Variants in GLT8D2 observed in about 807,000 individuals in gnomAD.
GLT8D2 encodes glycosyltransferase 8 domain containing 2.
A neutral mutation model predicts 44.5 loss-of-function variants in GLT8D2; 45 were observed. That is an observed-to-expected ratio of 1.01 (90% confidence interval 0.80 to 1.30). GLT8D2 has a LOEUF of 1.30. Among genes scored for constraint, GLT8D2 ranks in the 50% most tolerant of loss-of-function variants. GLT8D2 has a pLI of 0.00. For synonymous variants in GLT8D2, 156 were observed against 157.2 expected (o/e 0.99, Z 0.06); for missense variants, 400 against 430.4 (o/e 0.93, Z 0.62).
rs1882424921 is a variant in GLT8D2, at chr12:104,059,242, T to G, written c.-423+4707A>C. On this transcript the variant is annotated intron_variant, in intron 1 of 10. Coordinates refer to the GLT8D2 transcript ENST00000548660. The stretch of plus-strand genomic sequence containing the variant: ...TATCTATTCAACCCTGGTATACATG[T>G]AGGTATACATGGACTTCAGGATCCA... Among the ~76,000 whole-genome samples the G allele has an allele frequency of 3.3e-5, 5 of 152,284 alleles. No individual in the cohort carries two copies. In the South Asian group the frequency reaches 1.0e-3, roughly 32 times the overall value.
chr12:104,045,937 A>AAG (rs68019401), intron 1 of GLT8D2, among the ~76,000 whole-genome samples: 147 of 113,600 alleles, frequency 1.3e-3, no homozygotes, highest in Middle Eastern at 4.2e-3. Flanking sequence ...GAAAGAAAGA[A>AAG]AAAGAAAGAA....
intron 4 of GLT8D2, among the ~76,000 whole-genome samples, chr12:104,005,682 G>C (rs978880720): frequency 6.6e-6 from 1 of 152,160 alleles, no homozygotes; most frequent in Non-Finnish European, 1.5e-5. Flanking sequence ...ACCACAATGA[G>C]ATACCATCTC....
At position 104,000,902 on chromosome 12, in the gene GLT8D2, C is replaced by T. The variant is rs1382141818; in HGVS notation, c.285-1388G>A. ...CAGATCTCAGTACCTCCTGATGGCACCACTACAAAAACATTTAATTATAAA... is the reference window on the plus strand; with the variant it reads ...CAGATCTCAGTACCTCCTGATGGCATCACTACAAAAACATTTAATTATAAA... On this transcript the variant is annotated intron_variant, in intron 5 of 10. Transcript: ENST00000360814. Among the ~76,000 whole-genome samples the T allele has an allele frequency of 2.6e-5, 4 of 152,278 alleles. No individual in the cohort carries two copies. In the South Asian group the frequency reaches 8.3e-4, roughly 32 times the overall value.
intron 4 of GLT8D2, among the ~76,000 whole-genome samples, chr12:104,013,337 A>G (rs560499879): frequency 2.0e-5 from 3 of 152,148 alleles, no homozygotes; most frequent in East Asian, 3.9e-4. Flanking sequence ...TTTATTTAGC[A>G]TAGTTTTTTT....
intron 1 of GLT8D2, among the ~76,000 whole-genome samples, chr12:104,021,915 GA>G (rs1566202269): frequency 0.042 from 800 of 18,892 alleles, 46 homozygotes; most frequent in East Asian, 0.33. Context: ...AGAAGAAGAA[GA>G]AGAAGAAGAA....
intron 1 of GLT8D2, among the ~76,000 whole-genome samples, chr12:104,032,755 G>A (rs1028045569): frequency 6.6e-6 from 1 of 151,856 alleles, no homozygotes; most frequent in African/African-American, 2.4e-5. Context: ...CAATATGGAG[G>A]TCTCTCAAAA....
upstream of GLT8D2, among the ~76,000 whole-genome samples, chr12:104,054,765 T>C (rs1290693648): frequency 2.0e-5 from 3 of 152,196 alleles, no homozygotes; most frequent in Admixed American, 1.3e-4. Flanking sequence ...TCTTTTGCCC[T>C]TTCTTCCTGT....
At chr12:104,012,184 A>C in intron 4 of GLT8D2, among the ~76,000 whole-genome samples, 1 of 85,540 alleles carries the variant, frequency 1.2e-5, no homozygotes, top group Non-Finnish European at 2.4e-5. Flanking sequence ...AAAAAAAAAA[A>C]AAAAAATATA....
Position 104,026,030 on chromosome 12 carries a change from G to C in GLT8D2, c.-163-4539C>G, listed in dbSNP as rs559561253. ...ATGGTGGCTCACAACTGTAATTCCA[G>C]CACTTTGGGAGGCTGAGGCTGGCGG... is the stretch of plus-strand genomic sequence containing the variant. On this transcript the variant is annotated intron_variant, in intron 1 of 10. Coordinates refer to ENST00000360814, the MANE Select transcript of GLT8D2 (RefSeq NM_001384711.1). Among the ~76,000 whole-genome samples the C allele has an allele frequency of 5.9e-5, 9 of 152,238 alleles. No individual in the cohort carries two copies. The South Asian group carries it at 1.7e-3, about 28-fold the overall frequency.
rs1224532635 is a variant in GLT8D2, at chr12:103,997,895, CAATT to C, written c.403-364_403-361del. ...TGTATTCAGTAATTTTGATAATTGT[CAATT>C]AAATCAGCCTTAAATACACACACAC... On this transcript the variant is annotated intron_variant, in intron 6 of 10. Transcript: ENST00000360814. Among the ~76,000 whole-genome samples, 3 of 145,508 alleles carry C rather than the reference CAATT, an allele frequency of 2.1e-5. No homozygotes were observed. The East Asian group carries it at 6.0e-4, about 29-fold the overall frequency.
chr12:103,993,178 G>A (rs560521318), intron 10 of GLT8D2, among the ~76,000 whole-genome samples: 5 of 152,198 alleles, frequency 3.3e-5, no homozygotes, highest in Non-Finnish European at 5.9e-5. Flanking sequence ...TAAAAATACA[G>A]AAATTAGCTG....
Position 104,003,212 on chromosome 12 carries a change from G to C in GLT8D2, c.207C>G (p.Ile69Met), listed in dbSNP as rs1253888913. ...AGRMGATMAA[I>M]NSIYSNTDAN... ...CGTCAGTGTTGCTGTAGATGCTATT[G>C]ATGGCAGCCATAGTGGCACCCATCC... Residue 69 changes from isoleucine to methionine, a missense_variant, in exon 5 of 11, where the codon ATC becomes ATG. Ile to Met is a conservative substitution (Grantham distance 10). Transcript: ENST00000360814. 2 of 1,613,904 alleles carry C rather than the reference G, an allele frequency of 1.2e-6. No individual in the cohort carries two copies. Among genetic ancestry groups the C allele is most frequent in the Admixed American group, 1.7e-5 (1 of 60,000 alleles).
chr12:104,035,419 GA>G (rs937995459), intron 1 of GLT8D2, among the ~76,000 whole-genome samples: 20 of 152,064 alleles, frequency 1.3e-4, no homozygotes, highest in Non-Finnish European at 2.6e-4. Context: ...TAAAAACCTT[GA>G]AAAAAGATTA....
At chr12:104,019,747 C>A in intron 2 of GLT8D2, 71 bp from the exon 3 acceptor site, 1 of 943,138 alleles carries the variant, frequency 1.1e-6, no homozygotes, top group Non-Finnish European at 1.6e-6. Flanking sequence ...GTGTTAAGGA[C>A]TATGCCTTCC....
intron 1 of GLT8D2, among the ~76,000 whole-genome samples, chr12:104,024,387 C>T (rs548873807): frequency 4.2e-4 from 64 of 151,996 alleles, no homozygotes; most frequent in South Asian, 1.9e-3. Context: ...GAGCCATGGT[C>T]GCACCACTGC....
intron 6 of GLT8D2, among the ~76,000 whole-genome samples, chr12:103,998,841 C>T (rs1367213015): frequency 6.6e-6 from 1 of 152,142 alleles, no homozygotes; most frequent in Non-Finnish European, 1.5e-5. Flanking sequence ...GCCAGCACGT[C>T]CAGCCAAAAA....
At chr12:104,014,181 T>C (rs1248187773) in intron 4 of GLT8D2, 13 of 641,570 alleles carry the variant, frequency 2.0e-5, no homozygotes, top group African/African-American at 1.4e-4. Flanking sequence ...CTGAGCAGCA[T>C]GGCAAAACCC....
chr12:104,050,833 G>A (rs369271108), upstream of GLT8D2, among the ~76,000 whole-genome samples: 1 of 58,362 alleles, frequency 1.7e-5, no homozygotes, highest in Non-Finnish European at 3.5e-5. Flanking sequence ...TTTTTTTTTT[G>A]AGACGGAGTC....
At chr12:104,052,832 G>C (rs1881840082), upstream of GLT8D2, among the ~76,000 whole-genome samples, 1 of 151,818 alleles carries the variant, frequency 6.6e-6, no homozygotes, top group African/African-American at 2.4e-5. Context: ...TGAATTCCTG[G>C]GCCTTTCTCC....
Sources: allele counts gnomAD v4.1 joint callset (sites outside exome capture counted in the v4.1 genomes callset), GRCh38; gene constraint gnomAD v4.1.1; transcripts MANE v1.5; gene names NCBI Gene and HGNC (gene_info 2026-07-23, HGNC 2026-07-21).